AGBL1: variants seen among roughly 807,000 people sequenced by gnomAD.
AGBL1 encodes the protein AGBL carboxypeptidase 1, also known as cytosolic carboxypeptidase 4.
A neutral mutation model predicts 118.9 loss-of-function variants in AGBL1; 130 were observed. That is an observed-to-expected ratio of 1.09 (90% CI 0.95 to 1.26). The LOEUF is 1.26. Ranked by LOEUF, AGBL1 falls within the 50% of genes most tolerant of loss-of-function variation. The probability of loss-of-function intolerance (pLI) is 0.00; values close to 1 mark genes in which losing one functional copy is unlikely to be tolerated. For synonymous variants in AGBL1, 555 were observed against 478.9 expected (o/e 1.16, Z -2.08); for missense variants, 1,584 against 1,298.1 (o/e 1.22, Z -3.38).
intron 23 of AGBL1, among the ~76,000 whole-genome samples, chr15:86,985,346 C>T (rs992493056): frequency 6.6e-6 from 1 of 152,158 alleles, no homozygotes; most frequent in African/African-American, 2.4e-5. Flanking sequence ...TCATTTTACA[C>T]CCCTACCAGC....
At chr15:86,453,225 G>T (rs771001069) in intron 18 of AGBL1, among the ~76,000 whole-genome samples, 23 of 152,120 alleles carry the variant, frequency 1.5e-4, no homozygotes, top group African/African-American at 3.1e-4. Flanking sequence ...GAAATAAAAG[G>T]TTGTAAGGGA....
chr15:86,303,169 G>A (rs1236310260), intron 17 of AGBL1, among the ~76,000 whole-genome samples: 1 of 152,140 alleles, frequency 6.6e-6, no homozygotes, highest in African/African-American at 2.4e-5. Context: ...TAAACACTTT[G>A]TGTCATGGTT....
Position 86,404,957 on chromosome 15 carries a change from G to A in AGBL1, c.2555+7411G>A, listed in dbSNP as rs74442808. 2.8e-3 allele frequency among the ~76,000 whole-genome samples: 424 copies of A among 152,226 alleles called. 4 individuals are homozygous for A. Among genetic ancestry groups the A allele is most frequent in the African/African-American group, 9.6e-3 (400 of 41,544 alleles). On this transcript the variant is annotated intron_variant, in intron 18 of 22. Coordinates refer to ENST00000614907, the MANE Select transcript of AGBL1 (RefSeq NM_001386094.1). ...ATGTACCTGAAAAATGGGCCCTTAAGGGAAAGAGGCAATGCTCTTGAGCTT... is the reference window on the plus strand; with the variant it reads ...ATGTACCTGAAAAATGGGCCCTTAAAGGAAAGAGGCAATGCTCTTGAGCTT...
At chr15:87,006,759 T>G (rs1455007764) in intron 24 of AGBL1, among the ~76,000 whole-genome samples, 2 of 152,174 alleles carry the variant, frequency 1.3e-5, no homozygotes, top group Non-Finnish European at 2.9e-5. Context: ...TCACCCGTCT[T>G]CTGCGTCACT....
At chr15:86,934,213 A>G (rs1395511860) in intron 23 of AGBL1, among the ~76,000 whole-genome samples, 1 of 152,178 alleles carries the variant, frequency 6.6e-6, no homozygotes, top group African/African-American at 2.4e-5. Context: ...CTCCAAGGAG[A>G]CTTGTTCTGC....
At chr15:86,898,741 AC>A (rs2080168706) in intron 22 of AGBL1, among the ~76,000 whole-genome samples, 1 of 152,224 alleles carries the variant, frequency 6.6e-6, no homozygotes, top group Non-Finnish European at 1.5e-5. Context: ...GTGAACAGAT[AC>A]TTTTCAAAAG....
At chr15:86,476,309 C>A (rs1309336918) in intron 18 of AGBL1, among the ~76,000 whole-genome samples, 1 of 152,120 alleles carries the variant, frequency 6.6e-6, no homozygotes, top group Non-Finnish European at 1.5e-5. Context: ...AATCAAAACC[C>A]ATCAGTGTGC....
intron 24 of AGBL1, among the ~76,000 whole-genome samples, chr15:87,020,419 G>A (rs1056668286): frequency 2.0e-5 from 3 of 152,066 alleles, no homozygotes; most frequent in Admixed American, 6.6e-5. Context: ...AAAGCTGAAA[G>A]CATTCCCCTT....
chr15:86,595,815 G>T (rs2084397660), intron 21 of AGBL1, among the ~76,000 whole-genome samples: 1 of 152,052 alleles, frequency 6.6e-6, no homozygotes, highest in Non-Finnish European at 1.5e-5. Context: ...TGGATAATTT[G>T]ATGGGCAGGG....
intron 5 of AGBL1, among the ~76,000 whole-genome samples, chr15:86,162,984 C>G (rs1361646960): frequency 1.3e-5 from 2 of 152,240 alleles, no homozygotes; most frequent in Non-Finnish European, 2.9e-5. Flanking sequence ...TTCAGACCTT[C>G]TTTCGACATG....
chr15:86,540,595 A>C (rs537325027), intron 19 of AGBL1, among the ~76,000 whole-genome samples: 1 of 152,142 alleles, frequency 6.6e-6, no homozygotes, highest in Non-Finnish European at 1.5e-5. Context: ...TTAAAAAAAA[A>C]TAGGGCTATT....
chr15:86,516,376 G>A (rs998255129), intron 18 of AGBL1, among the ~76,000 whole-genome samples: 1 of 152,168 alleles, frequency 6.6e-6, no homozygotes, highest in Non-Finnish European at 1.5e-5. Context: ...TTGAGGTCTC[G>A]AGATATATTT....
chr15:86,702,969 T>A (rs2142652119), intron 22 of AGBL1, among the ~76,000 whole-genome samples: 1 of 152,284 alleles, frequency 6.6e-6, no homozygotes, highest in South Asian at 2.1e-4. Flanking sequence ...ACACTTCAAC[T>A]TTTAAATGAT....
chr15:86,940,955 T>C (rs957889997), intron 23 of AGBL1, among the ~76,000 whole-genome samples: 26 of 152,224 alleles, frequency 1.7e-4, no homozygotes, highest in East Asian at 3.9e-4. Context: ...CTGGAACTTA[T>C]TCCATTTTAT....
intron 17 of AGBL1, among the ~76,000 whole-genome samples, chr15:86,339,721 C>G (rs1214154658): frequency 6.6e-6 from 1 of 152,164 alleles, no homozygotes; most frequent in Non-Finnish European, 1.5e-5. Flanking sequence ...GTAATCCCAG[C>G]ACTTTGGGAG....
intron 17 of AGBL1, among the ~76,000 whole-genome samples, chr15:86,381,394 GTTTTGGAGCTGATACACT>G (rs1337417362): frequency 1.3e-5 from 2 of 150,906 alleles, no homozygotes; most frequent in Non-Finnish European, 2.9e-5. Context: ...TTCTTTTCAT[GTTTTGGAGCTGATACACT>G]TTTTTTTTCA....
At chr15:86,641,157 T>A (rs1054136120) in intron 21 of AGBL1, among the ~76,000 whole-genome samples, 3 of 152,120 alleles carry the variant, frequency 2.0e-5, no homozygotes, top group Non-Finnish European at 4.4e-5. Flanking sequence ...TTGTTTGCCT[T>A]CAAGATTTTG....
rs186076523 is a variant in AGBL1, at chr15:86,995,487, A to G, written c.3323+7399A>G. Among the ~76,000 whole-genome samples, 6 of 152,340 alleles carry G rather than the reference A, an allele frequency of 3.9e-5. No individual in the cohort carries two copies. The East Asian group carries it at 1.2e-3, about 29-fold the overall frequency. On this transcript the variant is annotated intron_variant, in intron 24 of 24. Coordinates refer to the AGBL1 transcript ENST00000441037. ...GCCCACAGCTCTCAATCAAATAGATACAATTCTATGCCAGTGAAACTTCTG... is the reference window on the plus strand; with the variant it reads ...GCCCACAGCTCTCAATCAAATAGATGCAATTCTATGCCAGTGAAACTTCTG...
At chr15:86,356,578 G>A (rs2080724671) in intron 17 of AGBL1, among the ~76,000 whole-genome samples, 1 of 152,052 alleles carries the variant, frequency 6.6e-6, no homozygotes, top group Non-Finnish European at 1.5e-5. Flanking sequence ...TCTTAGAGTG[G>A]ATCAGATGGA....
Sources: allele counts gnomAD v4.1 joint callset (sites outside exome capture counted in the v4.1 genomes callset), GRCh38; gene constraint gnomAD v4.1.1; transcripts MANE v1.5; gene names NCBI Gene and HGNC (gene_info 2026-07-23, HGNC 2026-07-21).